PRKN: variants seen among roughly 807,000 people sequenced by gnomAD.
PRKN encodes the protein E3 ubiquitin-protein ligase parkin.
In PRKN, 56 loss-of-function variants were observed where a neutral mutation model predicts 59.5. That is an observed-to-expected ratio of 0.94 (90% confidence interval 0.76 to 1.18). The LOEUF (loss-of-function observed/expected upper bound fraction) is 1.18, where lower values mean the gene tolerates loss of function less well. PRKN is among the 50% of genes most tolerant of loss of function. The pLI is 0.00. For missense variants in PRKN, 657 were observed against 596.4 expected (o/e 1.10, Z -1.06); for synonymous variants, 250 against 222.1 (o/e 1.13, Z -1.12).
At chr6:162,705,995 G>A (rs1344399850) in intron 1 of PRKN, among the ~76,000 whole-genome samples, 1 of 152,122 alleles carries the variant, frequency 6.6e-6, no homozygotes, top group Non-Finnish European at 1.5e-5. Flanking sequence ...ACCTCCGCCA[G>A]CCCCTGCTAA....
intron 2 of PRKN, among the ~76,000 whole-genome samples, chr6:162,369,325 T>C (rs1426832521): frequency 6.6e-6 from 1 of 152,186 alleles, no homozygotes; most frequent in Non-Finnish European, 1.5e-5. Context: ...GGAGGTGCTG[T>C]GCCGTCTCTA....
intron 7 of PRKN, among the ~76,000 whole-genome samples, chr6:161,690,276 C>G (rs1257009266): frequency 1.3e-5 from 2 of 152,196 alleles, no homozygotes; most frequent in Non-Finnish European, 2.9e-5. Flanking sequence ...GCTGCGCACC[C>G]TCCTTACACT....
chr6:162,438,377 G>GT (rs1220358093), intron 2 of PRKN, among the ~76,000 whole-genome samples: 1 of 152,048 alleles, frequency 6.6e-6, no homozygotes, highest in African/African-American at 2.4e-5. Context: ...TGCTTACTAT[G>GT]TTTTTCCCTC....
At chr6:162,356,459 G>T (rs977767869) in intron 2 of PRKN, among the ~76,000 whole-genome samples, 12 of 151,992 alleles carry the variant, frequency 7.9e-5, no homozygotes, top group African/African-American at 2.4e-4. Context: ...CACTATGATT[G>T]CTGTAAGGTG....
chr6:162,135,227 C>T (rs1471730231), intron 4 of PRKN, among the ~76,000 whole-genome samples: 1 of 152,100 alleles, frequency 6.6e-6, no homozygotes, highest in Non-Finnish European at 1.5e-5. Context: ...GTCTCTAACC[C>T]CTAGGCTCAA....
intron 2 of PRKN, among the ~76,000 whole-genome samples, chr6:162,426,478 T>TCTG (rs1380802236): frequency 3.9e-5 from 6 of 152,244 alleles, no homozygotes; most frequent in Non-Finnish European, 8.8e-5. Flanking sequence ...TGAGACAAGG[T>TCTG]CTGGCTCTGT....
chr6:162,239,908 C>T (rs191777252), intron 3 of PRKN, among the ~76,000 whole-genome samples: 14 of 152,214 alleles, frequency 9.2e-5, no homozygotes, highest in African/African-American at 3.4e-4. Flanking sequence ...TAACCCAGGC[C>T]TCCCAGATGT....
chr6:162,390,396 T>TATATATATATATATATACACACACACAC (rs1180636201), intron 2 of PRKN, among the ~76,000 whole-genome samples: 1 of 84,118 alleles, frequency 1.2e-5, no homozygotes, highest in African/African-American at 4.5e-5. Context: ...TATATATATA[T>TATATATATATATATATACACACACACAC]ACACACACAC....
intron 4 of PRKN, among the ~76,000 whole-genome samples, chr6:162,074,629 ATAT>A (rs201183781): frequency 0.29 from 43,729 of 151,090 alleles, 6,873 homozygotes; most frequent in East Asian, 0.6. Context: ...TAAAGTATAT[ATAT>A]AAAAAAAAGT....
At chr6:161,513,692 C>A (rs1272839099) in intron 9 of PRKN, among the ~76,000 whole-genome samples, 4 of 152,018 alleles carry the variant, frequency 2.6e-5, no homozygotes, top group Non-Finnish European at 4.4e-5. Flanking sequence ...GCATGCTGTA[C>A]GGGCCTTGCT....
intron 3 of PRKN, among the ~76,000 whole-genome samples, chr6:162,234,322 G>A (rs965669003): frequency 1.3e-5 from 2 of 152,134 alleles, no homozygotes; most frequent in African/African-American, 2.4e-5. Context: ...CTGGCTTTAG[G>A]ATTCTGAATT....
chr6:162,315,605 G>T (rs1341715754), intron 2 of PRKN, among the ~76,000 whole-genome samples: 1 of 152,132 alleles, frequency 6.6e-6, no homozygotes, highest in Non-Finnish European at 1.5e-5. Context: ...TAATTAACAG[G>T]AGATGTTAAT....
chr6:161,436,938 G>C (rs548909325), intron 9 of PRKN, among the ~76,000 whole-genome samples: 12 of 152,144 alleles, frequency 7.9e-5, no homozygotes, highest in Admixed American at 4.6e-4. Context: ...TTACAAGCTT[G>C]GTAGCAGTGC....
chr6:162,420,582 T>C (rs575939894), intron 2 of PRKN, among the ~76,000 whole-genome samples: 129 of 152,272 alleles, frequency 8.5e-4, no homozygotes, highest in Non-Finnish European at 1.5e-3. Context: ...CCCATCTCCT[T>C]TCTAGGAGAT....
chr6:162,382,146 A>C (rs1246756044), intron 2 of PRKN, among the ~76,000 whole-genome samples: 1 of 152,196 alleles, frequency 6.6e-6, no homozygotes, highest in Non-Finnish European at 1.5e-5. Context: ...CAGAGTCATA[A>C]ATAAGGTTAA....
At chr6:162,154,428 G>C (rs1782412626) in intron 4 of PRKN, among the ~76,000 whole-genome samples, 1 of 151,974 alleles carries the variant, frequency 6.6e-6, no homozygotes, top group Non-Finnish European at 1.5e-5. Flanking sequence ...GTTTCTCAGG[G>C]GACCATTTGT....
rs1483669559 is a variant in PRKN at position 161,442,643 on chromosome 6, G to A, written c.1084-55766C>T. ...TGGCCTTCGCTGTCTTGGACTGGAC[G>A]GGCTGGACTCCCAGCTGAAGGTGGC... is the stretch of plus-strand genomic sequence containing the variant. On this transcript the variant is annotated intron_variant, in intron 9 of 11. Transcript: ENST00000366898. This position sits in a 1 kb window ranked among gnomAD's most constrained non-coding sequence, Gnocchi z 4.6. 1.3e-5 allele frequency among the ~76,000 whole-genome samples: 2 copies of A among 152,138 alleles called. No individual in the cohort carries two copies. The highest frequency in any genetic ancestry group is 4.8e-5 in the African/African-American group (2 of 41,430).
intron 7 of PRKN, among the ~76,000 whole-genome samples, chr6:161,594,774 T>C (rs570757547): frequency 6.8e-4 from 103 of 152,230 alleles, no homozygotes; most frequent in African/African-American, 2.4e-3. Context: ...TTTGAAAATG[T>C]AACTACATGT....
At chr6:162,337,480 C>T (rs954482728) in intron 2 of PRKN, among the ~76,000 whole-genome samples, 1 of 152,170 alleles carries the variant, frequency 6.6e-6, no homozygotes, top group Non-Finnish European at 1.5e-5. Flanking sequence ...AATGTCACTA[C>T]ATTAGCACGT....
Sources: allele counts gnomAD v4.1 joint callset (sites outside exome capture counted in the v4.1 genomes callset), GRCh38; gene constraint gnomAD v4.1.1; non-coding constraint Gnocchi (gnomAD v3.1); transcripts MANE v1.5; gene names NCBI Gene and HGNC (gene_info 2026-07-23, HGNC 2026-07-21).